Variants in DLGAP2 observed in about 807,000 individuals in gnomAD.
The protein encoded by DLGAP2 is DLG associated protein 2.
In DLGAP2, 26 loss-of-function variants were observed where a neutral mutation model predicts 100.3. The ratio of observed to expected loss-of-function variants is 0.26; its 90% confidence interval spans 0.19 to 0.36. The LOEUF (loss-of-function observed/expected upper bound fraction) is 0.36. DLGAP2 is among the 10% of genes least tolerant of loss of function. The probability of loss-of-function intolerance (pLI) is 1.00; values close to 1 mark genes in which losing one functional copy is unlikely to be tolerated. For missense variants in DLGAP2, 1,858 were observed against 1,453.2 expected (o/e 1.28, Z -4.53); for synonymous variants, 886 against 630.1 (o/e 1.41, Z -6.08).
intron 2 of DLGAP2, among the ~76,000 whole-genome samples, chr8:1,043,843 A>G (rs1287495526): frequency 6.6e-6 from 1 of 152,042 alleles, no homozygotes; most frequent in Non-Finnish European, 1.5e-5. Flanking sequence ...AGGACACAGT[A>G]AGGCAGTGAA....
At chr8:774,548 G>C (rs1376362640) in intron 1 of DLGAP2, among the ~76,000 whole-genome samples, 1 of 149,856 alleles carries the variant, frequency 6.7e-6, no homozygotes, top group Non-Finnish European at 1.5e-5. Context: ...AAGGGATCCA[G>C]TTTCAGCTTT....
intron 7 of DLGAP2, 113 bp from the exon 8 acceptor site, chr8:1,632,714 A>G: frequency 9.9e-7 from 1 of 1,014,658 alleles, no homozygotes; most frequent in Non-Finnish European, 1.4e-6. Context: ...AACTGTGCTG[A>G]ACTATGAGGC....
chr8:1,067,976 A>G (rs1397427528), intron 2 of DLGAP2, among the ~76,000 whole-genome samples: 2 of 152,042 alleles, frequency 1.3e-5, no homozygotes, highest in Non-Finnish European at 2.9e-5. Context: ...CCTCCTCATG[A>G]ACCCTTGGCA....
intron 2 of DLGAP2, among the ~76,000 whole-genome samples, chr8:950,051 A>G (rs1405546392): frequency 6.6e-6 from 1 of 152,184 alleles, no homozygotes; most frequent in African/African-American, 2.4e-5. Flanking sequence ...CAGGGGACCC[A>G]GGTCTTTAGG....
intron 2 of DLGAP2, among the ~76,000 whole-genome samples, chr8:1,206,579 T>C (rs1797998794): frequency 1.3e-5 from 1 of 77,626 alleles, no homozygotes; most frequent in Non-Finnish European, 2.4e-5. Flanking sequence ...TGGGCGGGGG[T>C]AGACTGTGAG....
At chr8:752,623 G>A (rs547490962) in intron 1 of DLGAP2, among the ~76,000 whole-genome samples, 2 of 152,282 alleles carry the variant, frequency 1.3e-5, no homozygotes, top group South Asian at 4.1e-4. Flanking sequence ...TGAGCACAGT[G>A]GGGGCTGCCC....
chr8:1,260,553 G>T (rs182259481), intron 3 of DLGAP2, among the ~76,000 whole-genome samples: 1 of 152,072 alleles, frequency 6.6e-6, no homozygotes, highest in Non-Finnish European at 1.5e-5. Flanking sequence ...GGTTTGGACT[G>T]AATGAAGGCT....
intron 2 of DLGAP2, among the ~76,000 whole-genome samples, chr8:1,091,722 C>T (rs914527075): frequency 1.3e-5 from 2 of 152,124 alleles, no homozygotes; most frequent in South Asian, 2.1e-4. Context: ...GGGTTGTTGA[C>T]GTTGCGTGTC....
At chr8:831,004 T>G (rs1184570401) in intron 1 of DLGAP2, among the ~76,000 whole-genome samples, 1 of 151,218 alleles carries the variant, frequency 6.6e-6, no homozygotes, top group African/African-American at 2.4e-5. Context: ...CAAGCGATTC[T>G]CCTGCCTCAG....
intron 1 of DLGAP2, among the ~76,000 whole-genome samples, chr8:862,595 A>C (rs997233720): frequency 6.6e-6 from 1 of 151,812 alleles, no homozygotes; most frequent in Non-Finnish European, 1.5e-5. Context: ...GCCTGGCCAG[A>C]CTCCAGTTTT....
At chr8:1,511,403 G>A (rs1327988416) in intron 4 of DLGAP2, among the ~76,000 whole-genome samples, 1 of 143,510 alleles carries the variant, frequency 7.0e-6, no homozygotes, top group East Asian at 2.0e-4. Flanking sequence ...TTCCATGGTC[G>A]TAAGGGCTGT....
intron 6 of DLGAP2, among the ~76,000 whole-genome samples, chr8:1,577,514 G>GC (rs1046990705): frequency 2.1e-5 from 3 of 143,006 alleles, no homozygotes; most frequent in Non-Finnish European, 3.0e-5. Context: ...GTTGCAGTGA[G>GC]CCAAGATCGT....
At chr8:781,965 G>A (rs1303767581) in intron 1 of DLGAP2, among the ~76,000 whole-genome samples, 14 of 152,278 alleles carry the variant, frequency 9.2e-5, no homozygotes, top group African/African-American at 3.4e-4. Context: ...TTAATGGGTA[G>A]AAATGTACAG....
At chr8:974,305 A>G (rs7016188) in intron 2 of DLGAP2, among the ~76,000 whole-genome samples, 5,674 of 152,314 alleles carry the variant, frequency 0.037, 313 homozygotes, top group African/African-American at 0.13. Flanking sequence ...GGGTAAGGAT[A>G]AGAATTACTT....
At chr8:1,202,508 A>C (rs980071896) in intron 2 of DLGAP2, among the ~76,000 whole-genome samples, 6 of 152,186 alleles carry the variant, frequency 3.9e-5, no homozygotes, top group African/African-American at 1.4e-4. Flanking sequence ...TGTCAGACAT[A>C]CAAAAACATG....
chr8:1,178,391 C>T (rs1429116906), intron 2 of DLGAP2, among the ~76,000 whole-genome samples: 3 of 152,084 alleles, frequency 2.0e-5, no homozygotes, highest in Non-Finnish European at 4.4e-5. Flanking sequence ...GAGGGAGTTC[C>T]TAAGGCTTCC....
chr8:957,062 T>G (rs1799612978), intron 2 of DLGAP2, among the ~76,000 whole-genome samples: 1 of 152,164 alleles, frequency 6.6e-6, no homozygotes, highest in Non-Finnish European at 1.5e-5. Context: ...CCCAAGCTGG[T>G]TGGAAAGCTC....
intron 2 of DLGAP2, among the ~76,000 whole-genome samples, chr8:916,989 C>G (rs929659397): frequency 5.9e-5 from 9 of 152,200 alleles, no homozygotes; most frequent in African/African-American, 9.6e-5. Flanking sequence ...AGGGCCTCCT[C>G]TCTAGGGTTT....
intron 8 of DLGAP2, among the ~76,000 whole-genome samples, chr8:1,661,826 C>T (rs1798415493): frequency 1.3e-5 from 2 of 152,138 alleles, no homozygotes; most frequent in Non-Finnish European, 2.9e-5. Context: ...CTAAAGAAAC[C>T]CATAAACATC....
Sources: gnomAD v4.1 joint callset for allele counts (sites outside exome capture counted in the v4.1 genomes callset) on GRCh38, gnomAD v4.1.1 for gene constraint, MANE v1.5 for transcripts, NCBI Gene and HGNC (gene_info 2026-07-23, HGNC 2026-07-21) for gene names.